EDIL3: variants seen among roughly 807,000 people sequenced by gnomAD.
EDIL3 encodes EGF like and discoidin domains 3.
EDIL3 carries 37 observed loss-of-function variants against 67.4 expected under a neutral mutation model. The observed-to-expected ratio is 0.55, with a 90% CI of 0.42 to 0.72. The LOEUF (loss-of-function observed/expected upper bound fraction) is 0.72. Ranked by LOEUF, EDIL3 falls within the 30% of genes least tolerant of loss-of-function variation. The probability of loss-of-function intolerance (pLI) is 0.00; values close to 1 mark genes in which losing one functional copy is unlikely to be tolerated. For synonymous variants in EDIL3, 195 were observed against 196.3 expected, an observed-to-expected ratio of 0.99 and a Z score of 0.05; for missense variants, 527 against 586.3, an observed-to-expected ratio of 0.90 and a Z score of 1.04.
At chr5:83,968,504 T>C (rs777928343) in intron 9 of EDIL3, among the ~76,000 whole-genome samples, 12 of 152,042 alleles carry the variant, frequency 7.9e-5, no homozygotes, top group Non-Finnish European at 1.5e-4. Flanking sequence ...GTTGTATTGG[T>C]GTGTTATGGT....
chr5:84,140,213 T>C (rs1420019054), intron 4 of EDIL3, among the ~76,000 whole-genome samples: 1 of 152,160 alleles, frequency 6.6e-6, no homozygotes, highest in Non-Finnish European at 1.5e-5. Flanking sequence ...ACAACATATA[T>C]TTTAAGTCTC....
At chr5:84,354,874 T>C (rs750634448) in intron 1 of EDIL3, among the ~76,000 whole-genome samples, 1 of 152,168 alleles carries the variant, frequency 6.6e-6, no homozygotes, top group Non-Finnish European at 1.5e-5. Context: ...AGTTTATGTT[T>C]GCTTCATATT....
intron 9 of EDIL3, among the ~76,000 whole-genome samples, chr5:84,038,419 T>C (rs1282956258): frequency 1.3e-5 from 2 of 152,222 alleles, no homozygotes; most frequent in Non-Finnish European, 1.5e-5. Flanking sequence ...TACCTCTGCC[T>C]CTACCTTCTC....
At chr5:83,957,696 TATG>T (rs1350316016) in intron 10 of EDIL3, among the ~76,000 whole-genome samples, 12 of 151,886 alleles carry the variant, frequency 7.9e-5, no homozygotes, top group African/African-American at 2.6e-4. Flanking sequence ...GATGGACTTT[TATG>T]AAACTGACAT....
rs981675944 is a variant in EDIL3, at chr5:84,374,974, T to C, written c.67+9334A>G. 6.6e-5 allele frequency among the ~76,000 whole-genome samples: 10 copies of C among 151,344 alleles called. No individual in the cohort carries two copies. The South Asian group carries it at 2.1e-3, about 32-fold the overall frequency. ...TACCCAGTCTCGGGTATTTCTTTTT[T>C]TTTTTTTTCTTTTTTTCAGACGGAG... On this transcript the variant is annotated intron_variant, in intron 1 of 10. Transcript: ENST00000296591.
chr5:84,026,286 A>G (rs1745812085), intron 9 of EDIL3, among the ~76,000 whole-genome samples: 1 of 152,218 alleles, frequency 6.6e-6, no homozygotes, highest in South Asian at 2.1e-4. Context: ...TCACTATTTC[A>G]TTAGAATTAT....
intron 9 of EDIL3, among the ~76,000 whole-genome samples, chr5:84,053,188 T>C (rs1365339103): frequency 3.9e-5 from 6 of 152,112 alleles, no homozygotes; most frequent in Admixed American, 3.9e-4. Flanking sequence ...GGGAACTGAA[T>C]AACCTGCTCC....
chr5:84,383,899 C>G (rs984948548), intron 1 of EDIL3, among the ~76,000 whole-genome samples: 4 of 152,132 alleles, frequency 2.6e-5, no homozygotes, highest in South Asian at 4.1e-4. Context: ...AGCTGACGCC[C>G]GGGCGCACTG....
At chr5:84,194,277 T>C (rs1237706007) in intron 3 of EDIL3, among the ~76,000 whole-genome samples, 1 of 151,946 alleles carries the variant, frequency 6.6e-6, no homozygotes, top group African/African-American at 2.4e-5. Context: ...CAATGTTGTG[T>C]TCTCATTTTT....
intron 1 of EDIL3, among the ~76,000 whole-genome samples, chr5:84,270,607 C>G (rs893171447): frequency 1.3e-5 from 2 of 152,112 alleles, no homozygotes; most frequent in African/African-American, 4.8e-5. Flanking sequence ...TTAACGAACA[C>G]CAACAACATA....
rs11302104 is a variant in EDIL3, at chr5:84,280,947, CAAAAAAAAAA to C, written c.68-26745_68-26736del. On this transcript the variant is annotated intron_variant, in intron 1 of 10. Coordinates refer to ENST00000296591, the MANE Select transcript of EDIL3 (RefSeq NM_005711.5). ...CCTGGGCAACAAAGCAAGACTCTGTCAAAAAAAAAAAAAAAAAAAAAAAGGAAATAAAAAC... is the reference window on the plus strand; with the variant it reads ...CCTGGGCAACAAAGCAAGACTCTGTCAAAAAAAAAAAAAGGAAATAAAAAC... Among the ~76,000 whole-genome samples, 689 of 70,234 alleles carry C rather than the reference CAAAAAAAAAA, an allele frequency of 9.8e-3. 4 individuals carry two copies. Among genetic ancestry groups the C allele is most frequent in the Middle Eastern group, 0.028 (3 of 106 alleles). The allele number at this position is 70,234 out of a possible 152,430, so 46.1% of individuals were successfully genotyped here.
At chr5:83,991,654 G>A (rs1210369229) in intron 9 of EDIL3, among the ~76,000 whole-genome samples, 2 of 152,168 alleles carry the variant, frequency 1.3e-5, no homozygotes, top group Non-Finnish European at 2.9e-5. Context: ...TGGTACTGAT[G>A]GCATTGGGGA....
At chr5:84,351,643 A>T (rs1414276034) in intron 1 of EDIL3, among the ~76,000 whole-genome samples, 2 of 152,196 alleles carry the variant, frequency 1.3e-5, no homozygotes, top group Admixed American at 1.3e-4. Flanking sequence ...TGCATTTATC[A>T]TTTATGAATT....
intron 9 of EDIL3, among the ~76,000 whole-genome samples, chr5:84,045,150 C>A (rs1561413265): frequency 6.6e-6 from 1 of 152,126 alleles, no homozygotes. Context: ...GAGACTTATT[C>A]ATTACCATGA....
intron 1 of EDIL3, among the ~76,000 whole-genome samples, chr5:84,340,534 C>CTCTCTCTCTATA (rs1432966515): frequency 7.7e-4 from 42 of 54,204 alleles, no homozygotes; most frequent in Non-Finnish European, 1.1e-3. Flanking sequence ...CTCTCTCTCT[C>CTCTCTCTCTATA]TATATATATA....
intron 1 of EDIL3, among the ~76,000 whole-genome samples, chr5:84,336,491 A>G (rs1746988575): frequency 2.0e-5 from 3 of 152,158 alleles, no homozygotes; most frequent in Non-Finnish European, 4.4e-5. Context: ...ATTAGTGGGA[A>G]GTAATTACAA....
chr5:84,063,225 T>C (rs769749239), intron 8 of EDIL3, among the ~76,000 whole-genome samples: 11 of 152,142 alleles, frequency 7.2e-5, no homozygotes, highest in Non-Finnish European at 1.0e-4. Flanking sequence ...AAAAACCATG[T>C]GGCTTGCAGC....
intron 1 of EDIL3, among the ~76,000 whole-genome samples, chr5:84,307,198 A>C (rs905124743): frequency 3.9e-5 from 6 of 152,214 alleles, no homozygotes; most frequent in African/African-American, 1.2e-4. Flanking sequence ...TTAGTCAAAG[A>C]AGATTTCATG....
At chr5:84,205,968 T>C (rs1743969212) in intron 3 of EDIL3, among the ~76,000 whole-genome samples, 2 of 152,028 alleles carry the variant, frequency 1.3e-5, no homozygotes, top group Non-Finnish European at 2.9e-5. Context: ...TTGAATGTGT[T>C]TGCTCTTGCT....
Sources: allele counts gnomAD v4.1 joint callset (sites outside exome capture counted in the v4.1 genomes callset), GRCh38; gene constraint gnomAD v4.1.1; transcripts MANE v1.5; gene names NCBI Gene and HGNC (gene_info 2026-07-23, HGNC 2026-07-21).